The following TMEM41A variants were observed in gnomAD, a reference collection of about 807,000 sequenced individuals.
TMEM41A encodes the protein transmembrane protein 41A.
A neutral mutation model predicts 25.7 loss-of-function variants in TMEM41A; 20 were observed. That is an observed-to-expected ratio of 0.78 (90% CI 0.55 to 1.13). The LOEUF is 1.13. Among genes scored for constraint, TMEM41A ranks in the 50% most tolerant of loss-of-function variants. The probability of loss-of-function intolerance (pLI) is 0.00; values close to 1 mark genes in which losing one functional copy is unlikely to be tolerated. For missense variants in TMEM41A, 299 were observed against 314.3 expected, an observed-to-expected ratio of 0.95 and a Z score of 0.37; for synonymous variants, 133 against 139.6, an observed-to-expected ratio of 0.95 and a Z score of 0.33.
chr3:185,496,972 C>G lies in TMEM41A; in HGVS notation c.129G>C (p.Trp43Cys), dbSNP rs1455166054. ...STEEAGGRSL[W>C]FPSDLAELRE... is the part of the protein sequence containing the mutation. ...GCAGCTCTGCCAGGTCGGAGGGGAA[C>G]CACAGCGACCTGGGGATTTGGAAAA... The change falls in exon 2 of 5, where the codon TGG becomes TGC. Residue 43 changes from tryptophan to cysteine, a missense_variant. Physicochemically the swap from Trp to Cys is radical, Grantham distance 215. Transcript: ENST00000421852. 3 of 1,594,958 alleles carry G rather than the reference C, an allele frequency of 1.9e-6. No homozygotes were observed. Among genetic ancestry groups the G allele is most frequent in the Non-Finnish European group, 2.6e-6 (3 of 1,172,334 alleles).
At position 185,495,329 on chromosome 3, in the gene TMEM41A, AAACCCTC is replaced by A; in HGVS notation, c.274-21_274-15del. The A allele has an allele frequency of 3.1e-6, 5 of 1,611,974 alleles. No homozygotes were observed. Among genetic ancestry groups the A allele is most frequent in the Non-Finnish European group, 4.2e-6 (5 of 1,179,252 alleles). The stretch of plus-strand genomic sequence containing the variant: ...AGCTAAAACATTCTGCAAATAAAAC[AAACCCTC>A]AGGCATGTGAACATCTGGCAGCTAC... On this transcript the variant is annotated splice_polypyrimidine_tract_variant and intron_variant, in intron 2 of 4. Transcript: ENST00000421852.
Position 185,490,242 on chromosome 3 carries a change from G to A in TMEM41A, c.*1295C>T, listed in dbSNP as rs1221343710. The A allele has an allele frequency of 6.6e-6, 1 of 152,162 alleles. No homozygotes were observed. The highest frequency in any genetic ancestry group is 2.4e-5 in the African/African-American group (1 of 41,434). The allele number at this position is 152,162 out of a possible 1,614,324, so 9.4% of individuals were successfully genotyped here. ...ATACAACACAACAAAGTTATCAGAA[G>A]CCAAGGTTTCCTCTTTGAATTAAAA... On this transcript the variant is annotated 3_prime_UTR_variant, in exon 5 of 5. Coordinates refer to ENST00000421852, the MANE Select transcript of TMEM41A (RefSeq NM_080652.4).
intron 4 of TMEM41A, chr3:185,494,259 A>C (rs1719036087): frequency 5.6e-6 from 1 of 177,048 alleles, no homozygotes; most frequent in African/African-American, 2.4e-5. Flanking sequence ...TTCTGTCCCC[A>C]CTCAAAACTC....
At position 185,495,270 on chromosome 3, in the gene TMEM41A, G is replaced by T. The variant is rs1277869734; in HGVS notation, c.319C>A (p.Leu107Met). ...CCCACCGAGGTCAACACACAGCACA[G>T]CAGAAGCCCCAGCCATGGCCCAAAC... ...ALFGPWLGLL[L>M]CCVLTSVGAT... is the part of the protein sequence containing the mutation. The change falls in exon 3 of 5, where the codon CTG becomes ATG. Residue 107 changes from leucine to methionine, a missense_variant. Transcript: ENST00000421852. The T allele has an allele frequency of 6.2e-7, 1 of 1,613,842 alleles. No homozygotes were observed. The highest frequency in any genetic ancestry group is 8.5e-7 in the Non-Finnish European group (1 of 1,179,998).
chr3:185,495,383 TGA>T, intron 2 of TMEM41A, 68 bp from the exon 3 acceptor site: 1 of 1,501,880 alleles, frequency 6.7e-7, no homozygotes. Context: ...TCTTGGAGCC[TGA>T]GAGTCATAGG....
rs1170038110 is a variant in TMEM41A at position 185,496,874 on chromosome 3, G to T, written c.227C>A (p.Ala76Asp). 1.2e-6 allele frequency: 2 copies of T among 1,607,688 alleles called. No individual in the cohort carries two copies. The highest frequency in any genetic ancestry group is 1.7e-6 in the Non-Finnish European group (2 of 1,178,088). The change falls in exon 2 of 5, where the codon GCC becomes GAC. Residue 76 changes from alanine (A) to aspartate (D), a missense_variant. By Grantham distance (126) the Ala-to-Asp change is moderately radical. Transcript: ENST00000421852. ...GGCAAAGCCCTGTTTGTAGAGGTAGGCGCCGCAGAAGAGCAGGAACACGTA... is the reference window on the plus strand; with the variant it reads ...GGCAAAGCCCTGTTTGTAGAGGTAGTCGCCGCAGAAGAGCAGGAACACGTA... ...QAYVFLLFCG[A>D]YLYKQGFAIP...
chr3:185,497,754 G>C (rs921446467), intron 1 of TMEM41A, among the ~76,000 whole-genome samples: 2 of 152,126 alleles, frequency 1.3e-5, no homozygotes, highest in African/African-American at 4.8e-5. Flanking sequence ...CGGTATGTCC[G>C]ACACCCACAG....
chr3:185,494,705 G>A lies in TMEM41A; in HGVS notation c.492C>T (p.Pro164=), dbSNP rs371667397. 36 of 1,613,154 alleles carry A rather than the reference G, an allele frequency of 2.2e-5. No homozygotes were observed. Among genetic ancestry groups the A allele is most frequent in the Non-Finnish European group, 3.1e-5 (36 of 1,179,696 alleles). The part of the protein sequence containing the change: ...FFFLLFLRLF[P]MTPNWFLNLS... ...GGTTCAAGAACCAGTTTGGTGTCAT[G>A]GGGAAAAGTCTCAAAAACAATAAGA... The change falls in exon 4 of 5, where the codon CCC becomes CCT. Residue 164 remains proline, a synonymous_variant. Transcript: ENST00000421852.
chr3:185,497,122 T>C, intron 1 of TMEM41A, 141 bp from the exon 2 acceptor site: 2 of 1,111,900 alleles, frequency 1.8e-6, no homozygotes, highest in Non-Finnish European at 2.5e-6. Context: ...ACACTCCCAA[T>C]GACAGATGAC....
chr3:185,491,813 T>C, intron 4 of TMEM41A, 56 bp from the exon 5 acceptor site: 1 of 1,373,198 alleles, frequency 7.3e-7, no homozygotes, highest in Non-Finnish European at 1.0e-6. Flanking sequence ...ATTAAGAAAA[T>C]AATAATTCAG....
chr3:185,489,864 C>T lies in TMEM41A; in HGVS notation c.*1673G>A, dbSNP rs950556617. 4.6e-5 allele frequency: 7 copies of T among 152,190 alleles called. No homozygotes were observed. The highest frequency in any genetic ancestry group is 1.0e-4 in the Non-Finnish European group (7 of 68,040). 9.4% of individuals were successfully genotyped at this position (152,190 alleles called of 1,614,324 possible). On this transcript the variant is annotated 3_prime_UTR_variant, in exon 5 of 5. Transcript: ENST00000421852. ...TATCAAGGCTTCTTTTAAAGAAACA[C>T]GTTTTAAACAATGAAATCCTCGGTG...
At chr3:185,498,089 C>T (rs1370198519) in intron 1 of TMEM41A, among the ~76,000 whole-genome samples, 6 of 51,276 alleles carry the variant, frequency 1.2e-4, no homozygotes, top group South Asian at 4.2e-4. Context: ...AGACCCCCCC[C>T]CCGCGTCCCT....
At chr3:185,498,310 G>A (rs1719169645) in intron 1 of TMEM41A, 1 of 151,970 alleles carries the variant, frequency 6.6e-6, no homozygotes, top group African/African-American at 2.4e-5. Context: ...CCAGGAAGAC[G>A]GGCAGAGTCG....
Position 185,494,610 on chromosome 3 carries a change from A to T in TMEM41A, c.574+13T>A. On this transcript the variant is annotated intron_variant, in intron 4 of 4. Transcript: ENST00000421852. The stretch of plus-strand genomic sequence containing the variant: ...AGCTCTGAAGACTCAAACCTACCCC[A>T]CTAGCATCTTACCGATAAGAACTGA... 1.3e-6 allele frequency: 2 copies of T among 1,585,096 alleles called. No individual in the cohort carries two copies. The highest frequency in any genetic ancestry group is 1.7e-6 in the Non-Finnish European group (2 of 1,168,030).
At position 185,495,474 on chromosome 3, in the gene TMEM41A, T is replaced by C. The variant is rs946219737; in HGVS notation, c.274-159A>G. 2.7e-5 allele frequency: 19 copies of C among 695,434 alleles called. No individual in the cohort carries two copies. The African/African-American group carries it at 3.2e-4, about 12-fold the overall frequency. The allele number at this position is 695,434 out of a possible 1,614,324, so 43.1% of individuals were successfully genotyped here. ...TTATTTTTAAGAAACAGGATCTCGC[T>C]CTGTCACCCAGGCTGGAGTACAGTG... On this transcript the variant is annotated intron_variant, in intron 2 of 4. Transcript: ENST00000421852.
intron 4 of TMEM41A, chr3:185,492,297 G>T (rs1718981203): frequency 6.6e-6 from 1 of 152,140 alleles, no homozygotes; most frequent in Non-Finnish European, 1.5e-5. Flanking sequence ...GCTAGACTCT[G>T]TCTCAAAAAT....
At chr3:185,492,410 C>T (rs1365512913) in intron 4 of TMEM41A, 2 of 152,120 alleles carry the variant, frequency 1.3e-5, no homozygotes, top group Non-Finnish European at 2.9e-5. Flanking sequence ...ATAAGGTTCA[C>T]CTGTTTGCCA....
intron 4 of TMEM41A, 92 bp from the exon 5 acceptor site, chr3:185,491,849 GTTTT>G: frequency 3.3e-6 from 3 of 909,650 alleles, no homozygotes; most frequent in Non-Finnish European, 4.9e-6. Flanking sequence ...AGTGACTACG[GTTTT>G]TTTTTGCTTG....
rs148196437 is a variant in TMEM41A, at chr3:185,496,993, GA to G, written c.120-13del. 6.3e-7 allele frequency: 1 copy of G among 1,586,868 alleles called. No individual in the cohort carries two copies. The highest frequency in any genetic ancestry group is 1.8e-5 in the Admixed American group (1 of 55,302). ...GGAACCACAGCGACCTGGGGATTTGGAAAAGCAGATGGAAACATGAGTTCAG... is the reference window on the plus strand; with the variant it reads ...GGAACCACAGCGACCTGGGGATTTGGAAAGCAGATGGAAACATGAGTTCAG... On this transcript the variant is annotated splice_polypyrimidine_tract_variant and intron_variant, in intron 1 of 4. Transcript: ENST00000421852.
Sources: gnomAD v4.1 joint callset for allele counts (sites outside exome capture counted in the v4.1 genomes callset) on GRCh38, gnomAD v4.1.1 for gene constraint, MANE v1.5 for transcripts, NCBI Gene and HGNC (gene_info 2026-07-23, HGNC 2026-07-21) for gene names.